SHPRH: variants seen among roughly 807,000 people sequenced by gnomAD.
SHPRH encodes SNF2 histone linker PHD RING helicase, also known as E3 ubiquitin-protein ligase SHPRH.
A neutral mutation model predicts 202.5 loss-of-function variants in SHPRH; 106 were observed. The ratio of observed to expected loss-of-function variants is 0.52; its 90% CI spans 0.45 to 0.62. The LOEUF (loss-of-function observed/expected upper bound fraction) is 0.62, where lower values mean the gene tolerates loss of function less well. Ranked by LOEUF, SHPRH falls within the 20% of genes least tolerant of loss-of-function variation. The probability of loss-of-function intolerance (pLI) is 0.00; values close to 1 mark genes in which losing one functional copy is unlikely to be tolerated. For synonymous variants in SHPRH, 729 were observed against 686.0 expected (o/e 1.06, Z -0.98); for missense variants, 1,710 against 2,020.0 (o/e 0.85, Z 2.94).
At chr6:145,931,061 T>C (rs1785385905) in intron 14 of SHPRH, among the ~76,000 whole-genome samples, 1 of 152,146 alleles carries the variant, frequency 6.6e-6, no homozygotes, top group Non-Finnish European at 1.5e-5. Context: ...TATAGTGGCT[T>C]TATCGTTCTT....
Position 145,910,439 on chromosome 6 carries a change from C to T in SHPRH, c.4515+9G>A. 1 of 1,612,210 alleles carries T rather than the reference C, an allele frequency of 6.2e-7. No homozygotes were observed. The highest frequency in any genetic ancestry group is 1.7e-5 in the Admixed American group (1 of 59,860). Reference sequence around the variant, plus strand: ...ACCTATGCTTCTATGTGTTCCTGACCTACTTTACCTTCACAGGGATGTCCT... The same window carrying T: ...ACCTATGCTTCTATGTGTTCCTGACTTACTTTACCTTCACAGGGATGTCCT... On this transcript the variant is annotated intron_variant, in intron 25 of 29. Transcript: ENST00000275233.
chr6:145,935,334 A>G lies in SHPRH; in HGVS notation c.2677T>C (p.Tyr893His), dbSNP rs550169804. The G allele has an allele frequency of 6.2e-7, 1 of 1,614,096 alleles. No individual in the cohort carries two copies. The highest frequency in any genetic ancestry group is 2.2e-5 in the East Asian group (1 of 44,860). ...CACAGTATCTTGGCAATAAAGCTGT[A>G]GAGATGCTGAGGATTCTTCTTGCAG... ...PYCKKNPQHL[Y>H]SFIAKILWRS... Residue 893 changes from tyrosine to histidine, a missense_variant, in exon 12 of 30, where the codon TAC (tyrosine) becomes CAC (histidine). By Grantham distance (83) the Tyr-to-His change is moderately conservative. Transcript: ENST00000275233.
chr6:145,867,625 TATATATAGAGAGAGAGAGAG>T (rs1289607875), intron 2 of SHPRH, among the ~76,000 whole-genome samples: 3 of 63,440 alleles, frequency 4.7e-5, no homozygotes, highest in African/African-American at 1.7e-4. Context: ...TATATATATA[TATATATAGAGAGAGAGAGAG>T]AGAGAGAGAG....
chr6:145,877,882 TTTGAG>T lies in SHPRH; in HGVS notation c.221+10133_221+10137del, dbSNP rs1267779868. ...TTACCTATAGCCTGGAAGGCCCCAC[TTTGAG>T]TTGTCTCACCTTTCTGAACCAAACC... On this transcript the variant is annotated intron_variant, in intron 2 of 2. Transcript: ENST00000417762. 27 of 152,350 alleles carry T rather than the reference TTTGAG, an allele frequency of 1.8e-4. 1 individual carries two copies. Among genetic ancestry groups the T allele is most frequent in the African/African-American group, 5.8e-4 (24 of 41,582 alleles). 9.4% of individuals were successfully genotyped at this position (152,350 alleles called of 1,614,324 possible).
At chr6:145,890,127 C>A (rs1453626014) in intron 28 of SHPRH, among the ~76,000 whole-genome samples, 3 of 152,148 alleles carry the variant, frequency 2.0e-5, no homozygotes, top group African/African-American at 7.2e-5. Context: ...CTTTTCTCTG[C>A]AGCAAAACTC....
In SHPRH at chr6:145,954,792, C is replaced by T; in HGVS notation, c.531G>A (p.Val177=). 6.2e-7 allele frequency: 1 copy of T among 1,613,844 alleles called. No individual in the cohort carries two copies. The highest frequency in any genetic ancestry group is 8.5e-7 in the Non-Finnish European group (1 of 1,179,866). ...PMSICDKGIL[V]ESSFSGEMLE... is the part of the protein sequence containing the mutation. ...ACATTTCACCACTGAAGGATGACTCCACCAGAATACCCTTGTCACAAATAC... is the reference window on the plus strand; with the variant it reads ...ACATTTCACCACTGAAGGATGACTCTACCAGAATACCCTTGTCACAAATAC... The change falls in exon 2 of 30, where the codon GTG becomes GTA. Residue 177 remains valine (V), a synonymous_variant. Coordinates refer to ENST00000275233, the MANE Select transcript of SHPRH (RefSeq NM_001042683.3).
chr6:145,915,192 TAATAA>T (rs1299562592), intron 23 of SHPRH, among the ~76,000 whole-genome samples: 17 of 148,054 alleles, frequency 1.1e-4, no homozygotes, highest in Admixed American at 3.4e-4. Flanking sequence ...AATACAATTA[TAATAA>T]AATAAATTTT....
At chr6:145,915,936 T>C (rs746143622) in intron 23 of SHPRH, among the ~76,000 whole-genome samples, 12 of 150,864 alleles carry the variant, frequency 8.0e-5, no homozygotes, top group Non-Finnish European at 1.5e-4. Context: ...TCCTATTCTC[T>C]TTTCTTCTTG....
At chr6:145,930,249 T>C (rs1785290723) in intron 14 of SHPRH, among the ~76,000 whole-genome samples, 1 of 152,164 alleles carries the variant, frequency 6.6e-6, no homozygotes, top group Non-Finnish European at 1.5e-5. Flanking sequence ...TAAGAAGATT[T>C]ATATTCTACA....
intron 23 of SHPRH, chr6:145,917,844 G>T: frequency 4.2e-6 from 1 of 240,788 alleles, no homozygotes; most frequent in Non-Finnish European, 7.9e-6. Context: ...CAGTTTCACC[G>T]AGATATGTTT....
chr6:145,871,107 T>A (rs117354448), intron 2 of SHPRH: 1 of 152,168 alleles, frequency 6.6e-6, no homozygotes, highest in African/African-American at 2.4e-5. Context: ...CCTTACTGAA[T>A]GGGCAAAAGC....
At chr6:145,872,264 C>G (rs532138425) in intron 2 of SHPRH, among the ~76,000 whole-genome samples, 2 of 152,124 alleles carry the variant, frequency 1.3e-5, no homozygotes, top group Non-Finnish European at 2.9e-5. Flanking sequence ...AGACAACCTA[C>G]AGAACGGGCG....
At chr6:145,912,275 A>AG (rs1334650419) in intron 24 of SHPRH, among the ~76,000 whole-genome samples, 1 of 152,008 alleles carries the variant, frequency 6.6e-6, no homozygotes, top group East Asian at 1.9e-4. Flanking sequence ...GGAAAAAAAA[A>AG]TACGGCTACT....
chr6:145,887,986 T>G, intron 29 of SHPRH, 34 bp downstream of exon 29: 1 of 1,502,536 alleles, frequency 6.7e-7, no homozygotes, highest in Non-Finnish European at 9.3e-7. Context: ...CAGGAAAACC[T>G]TCCCCCTTCT....
chr6:145,924,218 T>C (rs1233037255), intron 17 of SHPRH, among the ~76,000 whole-genome samples: 2 of 151,908 alleles, frequency 1.3e-5, no homozygotes, highest in Admixed American at 6.6e-5. Flanking sequence ...CAAAATTATA[T>C]CCCAGAATAC....
chr6:145,867,629 T>TAGAG (rs1269534768), intron 2 of SHPRH, among the ~76,000 whole-genome samples: 73 of 43,882 alleles, frequency 1.7e-3, no homozygotes, highest in East Asian at 2.9e-3. Context: ...TATATATATA[T>TAGAG]ATAGAGAGAG....
At chr6:145,888,626 C>T (rs6936647) in intron 28 of SHPRH, among the ~76,000 whole-genome samples, 12,056 of 152,110 alleles carry the variant, frequency 0.079, 1,587 homozygotes, top group African/African-American at 0.27. Context: ...TGAATTTTAT[C>T]GTGGTTATAA....
chr6:145,900,701 T>C (rs552285446), intron 25 of SHPRH, among the ~76,000 whole-genome samples: 2 of 152,234 alleles, frequency 1.3e-5, no homozygotes, highest in East Asian at 3.9e-4. Flanking sequence ...CATAAAATGA[T>C]AGTATTTACA....
At position 145,922,328 on chromosome 6, in the gene SHPRH, T is replaced by C; in HGVS notation, c.3740A>G (p.Asp1247Gly). 1 of 1,563,996 alleles carries C rather than the reference T, an allele frequency of 6.4e-7. No individual in the cohort carries two copies. Among genetic ancestry groups the C allele is most frequent in the Non-Finnish European group, 8.6e-7 (1 of 1,164,892 alleles). Residue 1247 changes from aspartate (D) to glycine (G), a missense_variant, in exon 20 of 30, where the codon GAT becomes GGT. Asp to Gly is a moderately conservative substitution (Grantham distance 94). Around this residue, in one of 8 missense-constraint regions of SHPRH, gnomAD observed 288 missense variants for 317.8 expected, o/e 0.91. Coordinates refer to ENST00000275233, the MANE Select transcript of SHPRH (RefSeq NM_001042683.3). ...PLNCCVFCKA[D>G]ELFTEYESKL... Reference sequence around the variant, plus strand: ...TGATTCATACTCTGTGAACAATTCATCAGCTTTACAAAAGACACAGCTGAA... The same window carrying C: ...TGATTCATACTCTGTGAACAATTCACCAGCTTTACAAAAGACACAGCTGAA...
Sources: gnomAD v4.1 joint callset for allele counts (sites outside exome capture counted in the v4.1 genomes callset) on GRCh38, gnomAD v4.1.1 for gene constraint, gnomAD v4.1.1 regional missense constraint, MANE v1.5 for transcripts, NCBI Gene and HGNC (gene_info 2026-07-23, HGNC 2026-07-21) for gene names.